TSHZ2: variants seen among roughly 807,000 people sequenced by gnomAD.
TSHZ2 encodes teashirt homolog 2.
TSHZ2 carries 21 observed loss-of-function variants against 74.4 expected under a neutral mutation model. The ratio of observed to expected loss-of-function variants is 0.28; its 90% confidence interval spans 0.20 to 0.41. The LOEUF is 0.41. TSHZ2 is among the 10% of genes least tolerant of loss of function. The probability of loss-of-function intolerance (pLI) is 1.00; values close to 1 mark genes in which losing one functional copy is unlikely to be tolerated. For synonymous variants in TSHZ2, 540 were observed against 515.3 expected (o/e 1.05, Z -0.65); for missense variants, 1,244 against 1,293.5 (o/e 0.96, Z 0.59).
intron 1 of TSHZ2, among the ~76,000 whole-genome samples, chr20:53,039,998 C>G (rs546304176): frequency 2.0e-4 from 30 of 150,140 alleles, no homozygotes; most frequent in Admixed American, 1.9e-3. Flanking sequence ...CCCAGCCACT[C>G]GGGAGGTTGA....
At chr20:53,001,689 C>A (rs1177062757) in intron 1 of TSHZ2, among the ~76,000 whole-genome samples, 3 of 152,214 alleles carry the variant, frequency 2.0e-5, no homozygotes, top group African/African-American at 7.2e-5. Context: ...CCCACCTCGT[C>A]TTCTGTTTCA....
At chr20:53,105,329 A>G (rs1310023388) in intron 1 of TSHZ2, among the ~76,000 whole-genome samples, 1 of 152,220 alleles carries the variant, frequency 6.6e-6, no homozygotes, top group African/African-American at 2.4e-5. Context: ...GATTCTTCTG[A>G]GAGGGGCTGT....
intron 1 of TSHZ2, among the ~76,000 whole-genome samples, chr20:53,187,199 C>G (rs1439638221): frequency 6.6e-6 from 1 of 152,164 alleles, no homozygotes; most frequent in Non-Finnish European, 1.5e-5. Context: ...CAGATGAATA[C>G]TGTTGGCCTC....
intron 2 of TSHZ2, among the ~76,000 whole-genome samples, chr20:53,282,808 G>A (rs1166477392): frequency 6.6e-6 from 1 of 152,214 alleles, no homozygotes; most frequent in Non-Finnish European, 1.5e-5. Flanking sequence ...CCTGTGCCAA[G>A]CATGTGATTT....
At chr20:53,342,950 CTTTTCTTTTTTTTTTTTTT>C (rs1386858726) in intron 2 of TSHZ2, among the ~76,000 whole-genome samples, 3 of 78,888 alleles carry the variant, frequency 3.8e-5, no homozygotes, top group African/African-American at 1.6e-4. Context: ...CTTTTCTTTT[CTTTTCTTTTTTTTTTTTTT>C]TTTTTTTTTT....
intron 2 of TSHZ2, among the ~76,000 whole-genome samples, chr20:53,289,712 T>C (rs1206945674): frequency 1.3e-5 from 2 of 152,192 alleles, no homozygotes; most frequent in Non-Finnish European, 2.9e-5. Context: ...AGCTGAGACC[T>C]GAATGAATCA....
At chr20:53,232,188 C>A (rs1246912533) in intron 1 of TSHZ2, among the ~76,000 whole-genome samples, 3 of 152,134 alleles carry the variant, frequency 2.0e-5, no homozygotes, top group Non-Finnish European at 4.4e-5. Flanking sequence ...CTGCACCTGG[C>A]CAAAACAATA....
At chr20:53,338,722 G>A (rs1384602942) in intron 2 of TSHZ2, among the ~76,000 whole-genome samples, 1 of 144,514 alleles carries the variant, frequency 6.9e-6, no homozygotes, top group Non-Finnish European at 1.5e-5. Flanking sequence ...AGCTCTAAAT[G>A]TCAGGAGTAC....
rs572389948 is a variant in TSHZ2, at chr20:53,047,028, C to T, written c.40+73695C>T. 8.5e-5 allele frequency among the ~76,000 whole-genome samples: 13 copies of T among 152,260 alleles called. No homozygotes were observed. In the East Asian group the frequency reaches 2.5e-3, roughly 29 times the overall value. The stretch of plus-strand genomic sequence containing the variant: ...GGAAAGAGACAGAGGCGTAAGGGAT[C>T]CTGCATGCCTCATATGAAGACACAT... On this transcript the variant is annotated intron_variant, in intron 1 of 2. Transcript: ENST00000371497.
At chr20:53,475,660 G>C (rs1985969834) in intron 2 of TSHZ2, among the ~76,000 whole-genome samples, 1 of 134,692 alleles carries the variant, frequency 7.4e-6, no homozygotes. Context: ...ACTAAAATCA[G>C]AGCAGAACTG....
At chr20:53,312,956 C>A (rs946502108) in intron 2 of TSHZ2, among the ~76,000 whole-genome samples, 1 of 152,156 alleles carries the variant, frequency 6.6e-6, no homozygotes, top group African/African-American at 2.4e-5. Flanking sequence ...CTACTGTTAT[C>A]CCATCTGGTT....
intron 2 of TSHZ2, among the ~76,000 whole-genome samples, chr20:53,282,704 AG>A (rs1191556501): frequency 6.6e-6 from 1 of 152,212 alleles, no homozygotes; most frequent in African/African-American, 2.4e-5. Context: ...GCATTTTTCT[AG>A]TGGCACCTTT....
At chr20:53,436,258 C>T (rs1984060766) in intron 2 of TSHZ2, among the ~76,000 whole-genome samples, 1 of 152,156 alleles carries the variant, frequency 6.6e-6, no homozygotes, top group African/African-American at 2.4e-5. Context: ...TATGGGAGAT[C>T]TCTGGGATTC....
chr20:53,283,373 C>T (rs1012969136), intron 2 of TSHZ2, among the ~76,000 whole-genome samples: 3 of 152,292 alleles, frequency 2.0e-5, no homozygotes, highest in African/African-American at 7.2e-5. Flanking sequence ...TTACATACAT[C>T]ATGCCATTTT....
intron 1 of TSHZ2, among the ~76,000 whole-genome samples, chr20:53,084,462 G>A (rs1225822032): frequency 6.6e-6 from 1 of 152,208 alleles, no homozygotes; most frequent in African/African-American, 2.4e-5. Context: ...CCATACAGAG[G>A]ACAAATGACA....
chr20:53,085,870 A>G (rs1479991963), intron 1 of TSHZ2, among the ~76,000 whole-genome samples: 1 of 152,230 alleles, frequency 6.6e-6, no homozygotes. Flanking sequence ...GGTGGCGTTC[A>G]GGCGTAAGCA....
At chr20:53,413,817 C>T (rs944242843) in intron 2 of TSHZ2, among the ~76,000 whole-genome samples, 9 of 152,142 alleles carry the variant, frequency 5.9e-5, no homozygotes, top group Non-Finnish European at 1.0e-4. Context: ...TAGTATTCAC[C>T]TTTGTGTTAA....
At chr20:53,092,112 G>A (rs1985902232) in intron 1 of TSHZ2, among the ~76,000 whole-genome samples, 1 of 151,936 alleles carries the variant, frequency 6.6e-6, no homozygotes, top group African/African-American at 2.4e-5. Context: ...AGAAACTACT[G>A]ACACAGCATG....
At position 53,141,606 on chromosome 20, in the gene TSHZ2, T is replaced by C. The variant is rs528570376; in HGVS notation, c.41-111893T>C. On this transcript the variant is annotated intron_variant, in intron 1 of 2. Coordinates refer to ENST00000371497, the MANE Select transcript of TSHZ2 (RefSeq NM_173485.6). ...AGTTTCATATTTAACTGTTTAGAACTCAGCTGTCAGGGCTGTAATGGGGTG... is the reference window on the plus strand; with the variant it reads ...AGTTTCATATTTAACTGTTTAGAACCCAGCTGTCAGGGCTGTAATGGGGTG... 4.6e-5 allele frequency among the ~76,000 whole-genome samples: 7 copies of C among 152,330 alleles called. No individual in the cohort carries two copies. The South Asian group carries it at 1.4e-3, about 32-fold the overall frequency.
Sources: gnomAD v4.1 joint callset for allele counts (sites outside exome capture counted in the v4.1 genomes callset) on GRCh38, gnomAD v4.1.1 for gene constraint, MANE v1.5 for transcripts, NCBI Gene and HGNC (gene_info 2026-07-23, HGNC 2026-07-21) for gene names.